The following FRAS1 variants were observed in gnomAD, a reference collection of about 807,000 sequenced individuals.
The protein encoded by FRAS1 is Fraser extracellular matrix complex subunit 1, also known as extracellular matrix organizing protein FRAS1.
In FRAS1, 290 loss-of-function variants were observed where a neutral mutation model predicts 435.2. The observed-to-expected ratio is 0.67, with a 90% CI of 0.61 to 0.73. The LOEUF is 0.73. Among genes scored for constraint, FRAS1 ranks in the 30% least tolerant of loss-of-function variants. The probability of loss-of-function intolerance (pLI) is 0.00; values close to 1 mark genes in which losing one functional copy is unlikely to be tolerated. For missense variants in FRAS1, 4,860 were observed against 5,001.5 expected, an observed-to-expected ratio of 0.97 and a Z score of 0.85; for synonymous variants, 1,800 against 1,851.0, an observed-to-expected ratio of 0.97 and a Z score of 0.71.
In FRAS1 at chr4:78,333,374, G is replaced by C. The variant is rs1431635272; in HGVS notation, c.2240G>C (p.Cys747Ser). Residue 747 changes from cysteine (C) to serine (S), a missense_variant, in exon 19 of 74, where the codon TGC (cysteine) becomes TCC (serine). By Grantham distance (112) the Cys-to-Ser change is moderately radical. Transcript: ENST00000512123. ...VLLDGQCLSQ[C>S]PDGYFHQEGS... ...TTGGATGGGCAGTGCCTCTCCCAGT[G>C]CCCAGATGGCTACTTTCACCAGGAA... 1 of 1,611,866 alleles carries C rather than the reference G, an allele frequency of 6.2e-7. No homozygotes were observed. The highest frequency in any genetic ancestry group is 1.3e-5 in the African/African-American group (1 of 75,016).
intron 3 of FRAS1, among the ~76,000 whole-genome samples, chr4:78,239,599 A>G (rs529267351): frequency 6.6e-6 from 1 of 152,182 alleles, no homozygotes; most frequent in Admixed American, 6.5e-5. Context: ...ACATTTCCCA[A>G]TGTCCTTTAA....
At chr4:78,369,716 A>G (rs1731422373) in intron 22 of FRAS1, 122 bp from the exon 23 acceptor site, 1 of 729,430 alleles carries the variant, frequency 1.4e-6, no homozygotes, top group Non-Finnish European at 2.0e-6. Flanking sequence ...TATGAGCCAT[A>G]ATGAAATGTA....
chr4:78,113,298 G>T (rs764843871), intron 2 of FRAS1, among the ~76,000 whole-genome samples: 1 of 152,168 alleles, frequency 6.6e-6, no homozygotes, highest in African/African-American at 2.4e-5. Context: ...AAGTGTGCAC[G>T]TGTCTTTATA....
chr4:78,323,349 T>C (rs1181095900), intron 18 of FRAS1, among the ~76,000 whole-genome samples: 1 of 152,194 alleles, frequency 6.6e-6, no homozygotes, highest in Non-Finnish European at 1.5e-5. Context: ...TTTCATCAAG[T>C]TGATCTCACC....
chr4:78,432,693 G>T, intron 38 of FRAS1, 89 bp downstream of exon 38: 1 of 1,425,244 alleles, frequency 7.0e-7, no homozygotes, highest in East Asian at 2.4e-5. Flanking sequence ...TGAATATTTG[G>T]GGCAGCAGGT....
chr4:78,289,336 T>G (rs73827935), intron 14 of FRAS1, among the ~76,000 whole-genome samples: 9,971 of 152,218 alleles, frequency 0.066, 1,086 homozygotes, highest in African/African-American at 0.23. Context: ...GTTACATATT[T>G]TGCATGATTA....
intron 2 of FRAS1, among the ~76,000 whole-genome samples, chr4:78,196,050 C>T (rs997673183): frequency 6.6e-6 from 1 of 151,862 alleles, no homozygotes; most frequent in Non-Finnish European, 1.5e-5. Context: ...CTCTGTCACC[C>T]AGGCTGGAGT....
At chr4:78,290,383 C>A (rs1008039597) in intron 14 of FRAS1, among the ~76,000 whole-genome samples, 1 of 152,144 alleles carries the variant, frequency 6.6e-6, no homozygotes, top group African/African-American at 2.4e-5. Flanking sequence ...GGAGCCTGGC[C>A]CCAGTGGTTA....
rs560066717 is a variant in FRAS1 at position 78,305,606 on chromosome 4, C to G, written c.1535-2460C>G. Among the ~76,000 whole-genome samples the G allele has an allele frequency of 3.5e-4, 48 of 138,516 alleles. No homozygotes were observed. In the South Asian group the frequency reaches 0.011, roughly 32 times the overall value. 90.9% of individuals were successfully genotyped at this position (138,516 alleles called of 152,430 possible). ...TCTTCTTGTTGAATTGATCCCTTTA[C>G]CATTATGTAATGGCCTTCTTTGTCT... On this transcript the variant is annotated intron_variant, in intron 14 of 73. Transcript: ENST00000512123.
chr4:78,411,055 C>CT (rs1420283719), intron 31 of FRAS1, among the ~76,000 whole-genome samples: 2 of 150,394 alleles, frequency 1.3e-5, no homozygotes, highest in African/African-American at 2.4e-5. Context: ...AATTCTTTTC[C>CT]TTTTTTCTTT....
chr4:78,116,632 A>C (rs1488440790), intron 2 of FRAS1, among the ~76,000 whole-genome samples: 6 of 152,060 alleles, frequency 3.9e-5, no homozygotes, highest in Non-Finnish European at 7.4e-5. Context: ...AGTCTGTTTT[A>C]TCAGAGACTA....
rs376870484 is a variant in FRAS1 at position 78,387,701 on chromosome 4, G to C, written c.3975G>C (p.Gln1325His). 58 of 1,509,648 alleles carry C rather than the reference G, an allele frequency of 3.8e-5. No homozygotes were observed. The highest frequency in any genetic ancestry group is 5.0e-5 in the Non-Finnish European group (56 of 1,125,148). The allele number at this position is 1,509,648 out of a possible 1,614,324, so 93.5% of individuals were successfully genotyped here. ...NILFQVKTVP[Q>H]NDRGLQLVAN... is the part of the protein sequence containing the mutation. The stretch of plus-strand genomic sequence containing the variant: ...TGTTCCAAGTGAAGACCGTGCCTCA[G>C]GTAGGTGTCATTCCTAGAGTTACAG... Residue 1325 changes from glutamine (Q) to histidine (H), a missense_variant and splice_region_variant, in exon 29 of 74, where the codon CAG becomes CAC. Transcript: ENST00000512123.
intron 3 of FRAS1, among the ~76,000 whole-genome samples, chr4:78,241,861 T>C (rs1346955324): frequency 2.0e-5 from 3 of 152,060 alleles, no homozygotes; most frequent in African/African-American, 7.2e-5. Context: ...TTAATGGGCA[T>C]TGAAGTTGTC....
At chr4:78,367,635 T>A (rs1731328386) in intron 22 of FRAS1, among the ~76,000 whole-genome samples, 1 of 141,820 alleles carries the variant, frequency 7.1e-6, no homozygotes, top group South Asian at 2.1e-4. Flanking sequence ...ACTAAAAATC[T>A]TAGATTTTTT....
chr4:78,338,620 T>A (rs1055260079), intron 20 of FRAS1, among the ~76,000 whole-genome samples: 4 of 152,166 alleles, frequency 2.6e-5, no homozygotes, highest in African/African-American at 7.2e-5. Context: ...ACTGGGGAGA[T>A]CCTGGGATGC....
intron 5 of FRAS1, among the ~76,000 whole-genome samples, chr4:78,253,568 C>T (rs1167481216): frequency 1.3e-5 from 2 of 152,100 alleles, no homozygotes; most frequent in African/African-American, 4.8e-5. Flanking sequence ...CCTGACTTCC[C>T]GCAACACATG....
intron 60 of FRAS1, among the ~76,000 whole-genome samples, chr4:78,498,599 G>C (rs568285338): frequency 1.1e-4 from 16 of 151,928 alleles, no homozygotes; most frequent in African/African-American, 3.6e-4. Context: ...AACCTCAAAT[G>C]AGGCTTATCT....
chr4:78,128,141 C>A (rs1578142379), intron 2 of FRAS1, among the ~76,000 whole-genome samples: 1 of 151,988 alleles, frequency 6.6e-6, no homozygotes, highest in East Asian at 1.9e-4. Flanking sequence ...TTTTCTTAAT[C>A]CAGTCTATCA....
intron 2 of FRAS1, among the ~76,000 whole-genome samples, chr4:78,091,351 C>G (rs949350438): frequency 6.6e-6 from 1 of 152,086 alleles, no homozygotes; most frequent in Non-Finnish European, 1.5e-5. Context: ...TCCCGTGCCC[C>G]TCAAATCCAT....
Sources: allele counts gnomAD v4.1 joint callset (sites outside exome capture counted in the v4.1 genomes callset), GRCh38; gene constraint gnomAD v4.1.1; transcripts MANE v1.5; gene names NCBI Gene and HGNC (gene_info 2026-07-23, HGNC 2026-07-21).